Variants in CYP11A1 observed in about 807,000 individuals in gnomAD.
CYP11A1 encodes the protein cytochrome P450 family 11 subfamily A member 1.
A neutral mutation model predicts 51.9 loss-of-function variants in CYP11A1; 25 were observed. That is an observed-to-expected ratio of 0.48 (90% CI 0.35 to 0.67). CYP11A1 has a LOEUF of 0.67. Among genes scored for constraint, CYP11A1 ranks in the 30% least tolerant of loss-of-function variants. CYP11A1 has a pLI of 0.00. For synonymous variants in CYP11A1, 245 were observed against 262.1 expected (o/e 0.93, Z 0.63); for missense variants, 578 against 680.9 (o/e 0.85, Z 1.68).
At position 74,345,821 on chromosome 15, in the gene CYP11A1, CGTGACTT is replaced by C. The variant is rs1444336461; in HGVS notation, c.426-585_426-579del. On this transcript the variant is annotated intron_variant, in intron 2 of 8. Coordinates refer to ENST00000268053, the MANE Select transcript of CYP11A1 (RefSeq NM_000781.3). The surrounding 1 kb of genome is among the most constrained non-coding windows in gnomAD (Gnocchi z 4.3). ...TCATCAATCCATGCAAAGTCCTCTT[CGTGACTT>C]GGGGGTGTTTTTGTTGATAAGAATA... Among the ~76,000 whole-genome samples the C allele has an allele frequency of 6.6e-6, 1 of 152,186 alleles. No homozygotes were observed. The highest frequency in any genetic ancestry group is 1.5e-5 in the Non-Finnish European group (1 of 68,036).
At chr15:74,341,035 A>G (rs1485348642) in intron 5 of CYP11A1, among the ~76,000 whole-genome samples, 1 of 152,232 alleles carries the variant, frequency 6.6e-6, no homozygotes, top group South Asian at 2.1e-4. Flanking sequence ...AAGGCCTGCC[A>G]TAGAGATGTA....
intron 5 of CYP11A1, among the ~76,000 whole-genome samples, chr15:74,342,728 T>C (rs1057301744): frequency 1.3e-5 from 2 of 152,142 alleles, no homozygotes; most frequent in African/African-American, 4.8e-5. Flanking sequence ...CTCACCACCA[T>C]GCCCGGCCAC....
chr15:74,367,179 A>C (rs1332885101), intron 1 of CYP11A1, 138 bp downstream of exon 1: 2 of 36,234 alleles, frequency 5.5e-5, no homozygotes, highest in Non-Finnish European at 1.8e-4. Flanking sequence ...TTGTATTACC[A>C]AAAAAAAAAA....
rs1210503233 is a variant in CYP11A1 at position 74,339,765 on chromosome 15, T to A, written c.991-12A>T. Reference sequence around the variant, plus strand: ...AGGGTCATGGACGTCTGGTGGGGAGTAGGGTATACAGAAGACCAGGAGGGC... The same window carrying A: ...AGGGTCATGGACGTCTGGTGGGGAGAAGGGTATACAGAAGACCAGGAGGGC... On this transcript the variant is annotated splice_polypyrimidine_tract_variant and intron_variant, in intron 5 of 8. Transcript: ENST00000268053. 1 of 1,613,582 alleles carries A rather than the reference T, an allele frequency of 6.2e-7. No individual in the cohort carries two copies. The highest frequency in any genetic ancestry group is 1.7e-5 in the Admixed American group (1 of 59,984).
At chr15:74,342,835 G>T in intron 5 of CYP11A1, 142 bp downstream of exon 5, 1 of 840,414 alleles carries the variant, frequency 1.2e-6, no homozygotes, top group Non-Finnish European at 1.9e-6. Flanking sequence ...TTAGCGCTTT[G>T]GAAATGGAGG....
intron 1 of CYP11A1, among the ~76,000 whole-genome samples, chr15:74,358,749 C>T (rs979479309): frequency 3.9e-5 from 6 of 152,318 alleles, no homozygotes; most frequent in Non-Finnish European, 7.4e-5. Context: ...CATAATTCCT[C>T]GGTTTGGCCT....
intron 1 of CYP11A1, among the ~76,000 whole-genome samples, chr15:74,352,759 G>GT (rs2060661985): frequency 6.6e-6 from 1 of 152,214 alleles, no homozygotes; most frequent in Non-Finnish European, 1.5e-5. Flanking sequence ...CTTGCCTTGA[G>GT]TTGTCCCACC....
intron 5 of CYP11A1, among the ~76,000 whole-genome samples, chr15:74,341,850 CACAGAGGGAAGCCCATGTGAG>C (rs2060608320): frequency 6.6e-6 from 1 of 152,190 alleles, no homozygotes; most frequent in African/African-American, 2.4e-5. Context: ...CTGACACAGA[CACAGAGGGAAGCCCATGTGAG>C]ACAGAGGGAG....
chr15:74,345,429 G>T lies in CYP11A1; in HGVS notation c.426-186C>A, dbSNP rs1402695494. ...TCTCACCTCCTCCCTGCTCTGCCTG[G>T]CTGGGAGAAGAGAAAGGAAAAAAGA... On this transcript the variant is annotated intron_variant, in intron 2 of 8. Transcript: ENST00000268053. This position sits in a 1 kb window ranked among gnomAD's most constrained non-coding sequence, Gnocchi z 4.3. 2 of 638,684 alleles carry T rather than the reference G, an allele frequency of 3.1e-6. No individual in the cohort carries two copies. Among genetic ancestry groups the T allele is most frequent in the Admixed American group, 5.5e-5 (2 of 36,056 alleles). The allele number at this position is 638,684 out of a possible 1,614,324, so 39.6% of individuals were successfully genotyped here. A position where few individuals can be genotyped will look rare whatever the true frequency, so the allele number is the denominator to read the frequency against.
intron 5 of CYP11A1, among the ~76,000 whole-genome samples, chr15:74,341,464 T>C (rs2060606828): frequency 6.6e-6 from 1 of 152,174 alleles, no homozygotes; most frequent in South Asian, 2.1e-4. Flanking sequence ...TTCTCCCTAG[T>C]CCTGAAATGC....
Position 74,347,945 on chromosome 15 carries a change from A to G in CYP11A1, c.380T>C (p.Val127Ala). Residue 127 changes from valine to alanine, a missense_variant, in exon 2 of 9, where the codon GTC (valine) becomes GCC (alanine). Val to Ala is a moderately conservative substitution (Grantham distance 64). Coordinates refer to ENST00000268053, the MANE Select transcript of CYP11A1 (RefSeq NM_000781.3). ...TCTCTGGTAATACTGGTGATAGGCG[A>G]CCCAGGGCGGGATGAGGAATCGTTC... ...NPERFLIPPW[V>A]AYHQYYQRPI... The G allele has an allele frequency of 6.2e-7, 1 of 1,614,106 alleles. No homozygotes were observed. Among genetic ancestry groups the G allele is most frequent in the Non-Finnish European group, 8.5e-7 (1 of 1,180,006 alleles).
At chr15:74,338,816 C>A in intron 7 of CYP11A1, 48 bp from the exon 8 acceptor site, 1 of 1,567,780 alleles carries the variant, frequency 6.4e-7, no homozygotes, top group South Asian at 1.1e-5. Context: ...TTCCCCACAG[C>A]CCTGAGCACA....
chr15:74,367,484 A>G lies in CYP11A1; in HGVS notation c.102T>C (p.Thr34=). 6.2e-7 allele frequency: 1 copy of G among 1,614,218 alleles called. No individual in the cohort carries two copies. The highest frequency in any genetic ancestry group is 8.5e-7 in the Non-Finnish European group (1 of 1,180,022). Residue 34 remains threonine (T), a synonymous_variant, in exon 1 of 9, where the codon ACT becomes ACC. Transcript: ENST00000268053. ...REGLGRLRVP[T]GEGAGISTRS... is the part of the protein sequence containing the mutation. ...GGGTGGAGATGCCAGCTCCCTCGCC[A>G]GTGGGCACCCTGAGACGCCCCAGCC... is the stretch of plus-strand genomic sequence containing the variant.
Position 74,343,785 on chromosome 15 carries a change from T to C in CYP11A1, c.829+4A>G, listed in dbSNP as rs200847366. 1 of 1,611,792 alleles carries C rather than the reference T, an allele frequency of 6.2e-7. No homozygotes were observed. The highest frequency in any genetic ancestry group is 2.2e-5 in the East Asian group (1 of 44,876). On this transcript the variant is annotated splice_donor_region_variant and intron_variant, in intron 4 of 8. Coordinates refer to ENST00000268053, the MANE Select transcript of CYP11A1 (RefSeq NM_000781.3). ...GAGGAGAGCACAGCCAGAGAAGCCC[T>C]CACCTTTACTGAAAATCACGTCCCA... is the stretch of plus-strand genomic sequence containing the variant.
Position 74,358,871 on chromosome 15 carries a change from A to G in CYP11A1, c.269+8446T>C, listed in dbSNP as rs919811887. ...ACCTTCATACCCCTTACCGTCTTCA[A>G]TCTTCAGGAAAGGTAAAACGGACTA... On this transcript the variant is annotated intron_variant, in intron 1 of 8. Transcript: ENST00000268053. Among the ~76,000 whole-genome samples the G allele has an allele frequency of 1.6e-4, 25 of 152,256 alleles. 1 individual carries two copies. Among genetic ancestry groups the G allele is most frequent in the Admixed American group, 1.4e-3 (22 of 15,304 alleles).
chr15:74,339,281 G>C lies in CYP11A1; in HGVS notation c.1192C>G (p.Leu398Val), dbSNP rs1220602604. 6.2e-7 allele frequency: 1 copy of C among 1,614,222 alleles called. No individual in the cohort carries two copies. The highest frequency in any genetic ancestry group is 1.1e-5 in the South Asian group (1 of 91,088). The change falls in exon 7 of 9, where the codon CTT becomes GTT. Residue 398 changes from leucine (L) to valine (V), a missense_variant. By Grantham distance (32) the Leu-to-Val change is conservative. Coordinates refer to ENST00000268053, the MANE Select transcript of CYP11A1 (RefSeq NM_000781.3). ...HPISVTLQRY[L>V]VNDLVLRDYM... ...TCTCGAAGAACCAAGTCATTTACAA[G>C]ATATCTCTGCAGGGTCACGGAGATG... is the stretch of plus-strand genomic sequence containing the variant.
Position 74,348,061 on chromosome 15 carries a change from G to A in CYP11A1, c.270-6C>T, listed in dbSNP as rs746296048. 27 of 1,613,906 alleles carry A rather than the reference G, an allele frequency of 1.7e-5. No homozygotes were observed. Among genetic ancestry groups the A allele is most frequent in the Admixed American group, 3.3e-5 (2 of 59,996 alleles). On this transcript the variant is annotated splice_polypyrimidine_tract_variant and splice_region_variant and intron_variant, in intron 1 of 8. Transcript: ENST00000268053. The stretch of plus-strand genomic sequence containing the variant: ...CCACGTTGCCGAGCTTCTCCCTGGA[G>A]GGGTGGGGGAGAGGGGCTGATGGAA...
chr15:74,339,895 G>A (rs920399808), intron 5 of CYP11A1, 142 bp from the exon 6 acceptor site: 3 of 756,434 alleles, frequency 4.0e-6, no homozygotes, highest in African/African-American at 1.7e-5. Context: ...ACCATCCTCT[G>A]CAAGAGCAAA....
intron 1 of CYP11A1, among the ~76,000 whole-genome samples, chr15:74,358,898 T>C (rs1271113651): frequency 1.3e-5 from 2 of 152,158 alleles, no homozygotes; most frequent in East Asian, 3.8e-4. Context: ...AACGGACTAA[T>C]GGTCTTTTAA....
Sources: gnomAD v4.1 joint callset for allele counts (sites outside exome capture counted in the v4.1 genomes callset) on GRCh38, gnomAD v4.1.1 for gene constraint, Gnocchi (gnomAD v3.1) non-coding constraint, MANE v1.5 for transcripts, NCBI Gene and HGNC (gene_info 2026-07-23, HGNC 2026-07-21) for gene names.